CMTM4: variants seen among roughly 807,000 people sequenced by gnomAD.
The protein encoded by CMTM4 is CKLF like MARVEL transmembrane domain containing 4, also known as CKLF-like MARVEL transmembrane domain-containing protein 4.
A neutral mutation model predicts 19.0 loss-of-function variants in CMTM4; 8 were observed. The ratio of observed to expected loss-of-function variants is 0.42; its 90% CI spans 0.25 to 0.76. The LOEUF is 0.76. Among genes scored for constraint, CMTM4 ranks in the 30% least tolerant of loss-of-function variants. CMTM4 has a pLI of 0.27. For missense variants in CMTM4, 228 were observed against 290.2 expected (o/e 0.79, Z 1.56); for synonymous variants, 106 against 121.1 (o/e 0.88, Z 0.82).
chr16:66,683,263 TTA>T (rs1226845380), intron 1 of CMTM4, among the ~76,000 whole-genome samples: 1 of 142,228 alleles, frequency 7.0e-6, no homozygotes, highest in Non-Finnish European at 1.5e-5. Context: ...ACAAACTACA[TTA>T]ATAACCCATT....
Position 66,617,439 on chromosome 16 carries a change from A to C in CMTM4, c.*4619T>G. On this transcript the variant is annotated 3_prime_UTR_variant, in exon 4 of 4. Coordinates refer to ENST00000394106, the MANE Select transcript of CMTM4 (RefSeq NM_181521.3). The stretch of plus-strand genomic sequence containing the variant: ...AATATATTCCAGACAAAAGAAGGGA[A>C]AATACAATAGGACCCACTCCGCTTC... 6.5e-7 allele frequency: 1 copy of C among 1,542,932 alleles called. No individual in the cohort carries two copies. Among genetic ancestry groups the C allele is most frequent in the East Asian group, 2.4e-5 (1 of 42,324 alleles).
chr16:66,632,892 G>A (rs1462388285), intron 2 of CMTM4, among the ~76,000 whole-genome samples: 1 of 151,714 alleles, frequency 6.6e-6, no homozygotes, highest in East Asian at 1.9e-4. Flanking sequence ...AGACCAGTCT[G>A]ACCAACATGG....
At position 66,696,264 on chromosome 16, in the gene CMTM4, G is replaced by A. The variant is rs1264468243; in HGVS notation, c.186+76C>T. The A allele has an allele frequency of 2.6e-5, 28 of 1,067,424 alleles. No homozygotes were observed. Among genetic ancestry groups the A allele is most frequent in the Non-Finnish European group, 3.2e-5 (27 of 831,464 alleles). 66.1% of individuals were successfully genotyped at this position (1,067,424 alleles called of 1,614,324 possible). A position where few individuals can be genotyped will look rare whatever the true frequency, so the allele number is the denominator to read the frequency against. On this transcript the variant is annotated intron_variant, in intron 1 of 3. Transcript: ENST00000394106. This position sits in a 1 kb window ranked among gnomAD's most constrained non-coding sequence, Gnocchi z 4.3. ...CCTGGGCAAGCGGGTACGCGGCGGA[G>A]GCCCCGCAGCGGGGCGGGGAGGGAG...
At chr16:66,634,601 G>A (rs941807427) in intron 2 of CMTM4, among the ~76,000 whole-genome samples, 3 of 152,090 alleles carry the variant, frequency 2.0e-5, no homozygotes, top group Non-Finnish European at 4.4e-5. Flanking sequence ...AGTCAAACCT[G>A]GTGGAAGTAA....
At chr16:66,627,674 T>C (rs1231621891) in intron 2 of CMTM4, among the ~76,000 whole-genome samples, 2 of 152,210 alleles carry the variant, frequency 1.3e-5, no homozygotes, top group Non-Finnish European at 2.9e-5. Flanking sequence ...ACAAATATTC[T>C]GGACATTTCA....
At chr16:66,656,835 G>C (rs1425160071) in intron 1 of CMTM4, among the ~76,000 whole-genome samples, 1 of 151,956 alleles carries the variant, frequency 6.6e-6, no homozygotes, top group Non-Finnish European at 1.5e-5. Flanking sequence ...ATCCAAACAG[G>C]AGACAGCATC....
intron 1 of CMTM4, among the ~76,000 whole-genome samples, chr16:66,661,578 T>C (rs568173845): frequency 7.2e-5 from 11 of 152,312 alleles, no homozygotes; most frequent in Admixed American, 1.3e-4. Flanking sequence ...TTAAAATGGA[T>C]CCTTTTATAT....
rs1352456580 is a variant in CMTM4, at chr16:66,620,876, C to T, written c.*1182G>A. 2.0e-6 allele frequency: 2 copies of T among 985,644 alleles called. No homozygotes were observed. The highest frequency in any genetic ancestry group is 1.7e-5 in the African/African-American group (1 of 57,226). 61.1% of individuals were successfully genotyped at this position (985,644 alleles called of 1,614,324 possible). A position where few individuals can be genotyped will look rare whatever the true frequency, so the allele number is the denominator to read the frequency against. On this transcript the variant is annotated 3_prime_UTR_variant, in exon 4 of 4. Coordinates refer to ENST00000394106, the MANE Select transcript of CMTM4 (RefSeq NM_181521.3). Reference sequence around the variant, plus strand: ...ATCATGGGGACTCACTGAACTCATTCACCACACACAATAATCTTCACTTTA... The same window carrying T: ...ATCATGGGGACTCACTGAACTCATTTACCACACACAATAATCTTCACTTTA...
chr16:66,607,891 A>T, the CMTM4 span, among the ~76,000 whole-genome samples: 9 of 150,036 alleles, frequency 6.0e-5, no homozygotes, highest in Admixed American at 2.0e-4. Context: ...CTCACCCAGG[A>T]TGGAGTGCAG....
chr16:66,666,566 T>C (rs1168183073), intron 1 of CMTM4, among the ~76,000 whole-genome samples: 1 of 152,198 alleles, frequency 6.6e-6, no homozygotes, highest in African/African-American at 2.4e-5. Context: ...ATTCTCAAAA[T>C]TCAATAGTAA....
At chr16:66,614,212 G>A (rs2015483367), downstream of CMTM4, among the ~76,000 whole-genome samples, 1 of 152,224 alleles carries the variant, frequency 6.6e-6, no homozygotes, top group South Asian at 2.1e-4. This position sits in a 1 kb window ranked among gnomAD's most constrained non-coding sequence, Gnocchi z 4.9. Flanking sequence ...CTCCTAACAG[G>A]TCCCATGGTA....
chr16:66,666,989 A>G (rs981211536), intron 1 of CMTM4, among the ~76,000 whole-genome samples: 3 of 152,210 alleles, frequency 2.0e-5, no homozygotes, highest in Non-Finnish European at 4.4e-5. Flanking sequence ...TGGGTGCAAT[A>G]TACCCACGTA....
chr16:66,639,947 G>C (rs1405040698), intron 1 of CMTM4, among the ~76,000 whole-genome samples: 1 of 152,186 alleles, frequency 6.6e-6, no homozygotes, highest in African/African-American at 2.4e-5. Flanking sequence ...GAACCTGGGA[G>C]GCGGAAGTTG....
At chr16:66,604,881 G>C in the CMTM4 span, 1 of 1,425,386 alleles carries the variant, frequency 7.0e-7, no homozygotes, top group Non-Finnish European at 9.1e-7. Context: ...CGCGGTCCCC[G>C]GGCTCCGCGC....
At chr16:66,631,999 C>G (rs961820641) in intron 2 of CMTM4, among the ~76,000 whole-genome samples, 1 of 152,244 alleles carries the variant, frequency 6.6e-6, no homozygotes, top group Non-Finnish European at 1.5e-5. Flanking sequence ...CAGGGCTCAG[C>G]CAGTGGCCCC....
At chr16:66,644,301 G>A (rs2016149150) in intron 1 of CMTM4, among the ~76,000 whole-genome samples, 1 of 152,196 alleles carries the variant, frequency 6.6e-6, no homozygotes, top group African/African-American at 2.4e-5. Context: ...ATAATGACAT[G>A]ACGTTGCTCG....
chr16:66,613,655 TGGACCCATG>T (rs1325738798), downstream of CMTM4: 1 of 153,348 alleles, frequency 6.5e-6, no homozygotes, highest in African/African-American at 2.4e-5. Context: ...GCCAGAGTTC[TGGACCCATG>T]TTTGGAGCAT....
rs1386700553 is a variant in CMTM4 at position 66,616,475 on chromosome 16, C to T, written c.*5583G>A. ...AAGTAGGTCAATTTGAGGCAAGATT[C>T]AAAAACTCATTTTAAAATGGGTTAC... is the stretch of plus-strand genomic sequence containing the variant. On this transcript the variant is annotated 3_prime_UTR_variant, in exon 4 of 4. Coordinates refer to ENST00000394106, the MANE Select transcript of CMTM4 (RefSeq NM_181521.3). 3.9e-5 allele frequency: 6 copies of T among 152,148 alleles called. No individual in the cohort carries two copies. Among genetic ancestry groups the T allele is most frequent in the East Asian group, 1.9e-4 (1 of 5,192 alleles). The allele number at this position is 152,148 out of a possible 1,614,324, so 9.4% of individuals were successfully genotyped here.
intron 2 of CMTM4, among the ~76,000 whole-genome samples, chr16:66,631,340 C>G (rs960058097): frequency 6.6e-6 from 1 of 151,082 alleles, no homozygotes; most frequent in African/African-American, 2.4e-5. Flanking sequence ...CCAGCCGCCC[C>G]GTCCGGGAGG....
Sources: allele counts gnomAD v4.1 joint callset (sites outside exome capture counted in the v4.1 genomes callset), GRCh38; gene constraint gnomAD v4.1.1; non-coding constraint Gnocchi (gnomAD v3.1); transcripts MANE v1.5; gene names NCBI Gene and HGNC (gene_info 2026-07-23, HGNC 2026-07-21).